METTL15: variants seen among roughly 807,000 people sequenced by gnomAD.
The protein encoded by METTL15 is methyltransferase 15, mitochondrial 12S rRNA N4-cytidine, also known as 12S rRNA N(4)-cytidine methyltransferase METTL15.
A neutral mutation model predicts 38.3 loss-of-function variants in METTL15; 34 were observed. The ratio of observed to expected loss-of-function variants is 0.89; its 90% confidence interval spans 0.68 to 1.18. The LOEUF is 1.18. Ranked by LOEUF, METTL15 falls within the 50% of genes most tolerant of loss-of-function variation. The probability of loss-of-function intolerance (pLI) is 0.00; values close to 1 mark genes in which losing one functional copy is unlikely to be tolerated. For missense variants in METTL15, 438 were observed against 498.4 expected (o/e 0.88, Z 1.15); for synonymous variants, 162 against 170.9 (o/e 0.95, Z 0.41).
chr11:28,213,326 G>T (rs1453054824), intron 4 of METTL15, among the ~76,000 whole-genome samples: 2 of 152,032 alleles, frequency 1.3e-5, no homozygotes, highest in Non-Finnish European at 2.9e-5. Flanking sequence ...GATCACAAGA[G>T]ATCAGTCTTT....
At chr11:28,372,593 A>G (rs181404040) in intron 5 of METTL15, among the ~76,000 whole-genome samples, 2 of 151,802 alleles carry the variant, frequency 1.3e-5, no homozygotes, top group Admixed American at 6.6e-5. Context: ...AGCATTCCTC[A>G]GAGACCACAT....
intron 5 of METTL15, among the ~76,000 whole-genome samples, chr11:28,377,050 C>T (rs1246476576): frequency 7.6e-6 from 1 of 131,920 alleles, no homozygotes; most frequent in African/African-American, 2.6e-5. Flanking sequence ...GATGGGCTTC[C>T]CTTTGAGGGT....
At chr11:28,200,700 GCT>G (rs1365913864) in intron 3 of METTL15, among the ~76,000 whole-genome samples, 2 of 151,930 alleles carry the variant, frequency 1.3e-5, no homozygotes, top group Non-Finnish European at 2.9e-5. Flanking sequence ...TCATGATTTG[GCT>G]CTCTGCTTGT....
intron 3 of METTL15, among the ~76,000 whole-genome samples, chr11:28,138,408 G>A (rs147718992): frequency 2.1e-3 from 314 of 152,138 alleles, no homozygotes; most frequent in African/African-American, 7.4e-3. Flanking sequence ...CCCTACTTTA[G>A]CCATGCCAAG....
intron 5 of METTL15, among the ~76,000 whole-genome samples, chr11:28,404,350 A>G (rs1332096330): frequency 6.6e-6 from 1 of 152,112 alleles, no homozygotes; most frequent in Non-Finnish European, 1.5e-5. Context: ...TAGCTTATAA[A>G]TAATAGATAT....
At chr11:28,409,940 A>G (rs1191778836) in intron 5 of METTL15, among the ~76,000 whole-genome samples, 1 of 152,184 alleles carries the variant, frequency 6.6e-6, no homozygotes, top group African/African-American at 2.4e-5. Flanking sequence ...GAGACATTAC[A>G]AAGATACATG....
downstream of METTL15, among the ~76,000 whole-genome samples, chr11:28,334,361 C>A (rs952249521): frequency 1.3e-5 from 2 of 151,888 alleles, no homozygotes; most frequent in Non-Finnish European, 2.9e-5. Context: ...AAAATTGCTT[C>A]TGGTTAAAAT....
intron 5 of METTL15, among the ~76,000 whole-genome samples, chr11:28,374,324 A>G (rs1015084164): frequency 6.6e-6 from 1 of 151,964 alleles, no homozygotes; most frequent in Non-Finnish European, 1.5e-5. Flanking sequence ...ATTTGTTTGT[A>G]TCCTCTTTTA....
chr11:28,468,715 A>C (rs1373720456), intron 6 of METTL15, among the ~76,000 whole-genome samples: 1 of 152,176 alleles, frequency 6.6e-6, no homozygotes, highest in African/African-American at 2.4e-5. Context: ...AAGTCAGCAA[A>C]GGGAGCTTCG....
intron 4 of METTL15, among the ~76,000 whole-genome samples, chr11:28,271,811 A>C (rs907609658): frequency 5.3e-5 from 8 of 152,200 alleles, no homozygotes; most frequent in Non-Finnish European, 1.2e-4. Flanking sequence ...AAATTTTTGC[A>C]ATCTATCCAT....
chr11:28,213,950 C>T lies in METTL15; in HGVS notation c.407+2752C>T, dbSNP rs772067198. Among the ~76,000 whole-genome samples, 6 of 151,852 alleles carry T rather than the reference C, an allele frequency of 4.0e-5. No homozygotes were observed. In the East Asian group the frequency reaches 7.8e-4, roughly 20 times the overall value. On this transcript the variant is annotated intron_variant, in intron 4 of 6. Transcript: ENST00000407364. The stretch of plus-strand genomic sequence containing the variant: ...GATTACAGGTGTGAGCCACCACGCC[C>T]GGCCAAAGCAATGCCTTTTACACTA...
At chr11:28,434,677 T>C (rs940306255) in intron 6 of METTL15, among the ~76,000 whole-genome samples, 1 of 152,232 alleles carries the variant, frequency 6.6e-6, no homozygotes. Flanking sequence ...ACTTGCTGTG[T>C]GACATAAACT....
chr11:28,355,282 A>T (rs751599409), intron 4 of METTL15, among the ~76,000 whole-genome samples: 2 of 152,220 alleles, frequency 1.3e-5, no homozygotes, highest in Non-Finnish European at 2.9e-5. Context: ...TGCAAAAATT[A>T]ATACATTTCA....
intron 6 of METTL15, among the ~76,000 whole-genome samples, chr11:28,470,533 G>A (rs1851295219): frequency 1.3e-5 from 2 of 152,228 alleles, no homozygotes; most frequent in Admixed American, 6.5e-5. Context: ...TTTAACAGAA[G>A]AGATAGAACC....
At chr11:28,287,635 G>A (rs73438519) in intron 4 of METTL15, 366 of 180,824 alleles carry the variant, frequency 2.0e-3, no homozygotes, top group African/African-American at 8.0e-3. Context: ...TTGTGGTGGC[G>A]TGGAAGGAGC....
chr11:28,344,797 T>C (rs564230244), intron 3 of METTL15, among the ~76,000 whole-genome samples: 1 of 152,344 alleles, frequency 6.6e-6, no homozygotes, highest in East Asian at 1.9e-4. Context: ...TATTCTAGAC[T>C]AGTGCTGTCT....
At chr11:28,161,447 C>G (rs1250571332) in intron 3 of METTL15, among the ~76,000 whole-genome samples, 1 of 151,842 alleles carries the variant, frequency 6.6e-6, no homozygotes, top group East Asian at 1.9e-4. Flanking sequence ...ATAAAGGGTA[C>G]TAATTTGAAA....
intron 4 of METTL15, among the ~76,000 whole-genome samples, chr11:28,255,781 G>A (rs368595790): frequency 5.4e-4 from 82 of 152,270 alleles, no homozygotes; most frequent in African/African-American, 1.8e-3. Context: ...TTGGCTCACC[G>A]CAACCTCCAC....
At chr11:28,313,541 G>A (rs1156997187) in intron 6 of METTL15, among the ~76,000 whole-genome samples, 2 of 150,720 alleles carry the variant, frequency 1.3e-5, no homozygotes, top group Non-Finnish European at 1.5e-5. Flanking sequence ...AAAATTGTTA[G>A]GAAATTAAAA....
Sources: allele counts gnomAD v4.1 joint callset (sites outside exome capture counted in the v4.1 genomes callset), GRCh38; gene constraint gnomAD v4.1.1; transcripts MANE v1.5; gene names NCBI Gene and HGNC (gene_info 2026-07-23, HGNC 2026-07-21).